The following MACROD1 variants were observed in gnomAD, a reference collection of about 807,000 sequenced individuals.
MACROD1 encodes ADP-ribose glycohydrolase MACROD1.
In MACROD1, 31 loss-of-function variants were observed where a neutral mutation model predicts 41.4. The ratio of observed to expected loss-of-function variants is 0.75; its 90% CI spans 0.56 to 1.01. The LOEUF is 1.01. Among genes scored for constraint, MACROD1 ranks in the 50% least tolerant of loss-of-function variants. The pLI is 0.00. For synonymous variants in MACROD1, 252 were observed against 203.4 expected (o/e 1.24, Z -2.03); for missense variants, 473 against 460.0 (o/e 1.03, Z -0.26).
chr11:64,116,229 T>G, intron 3 of MACROD1: 1 of 1,568,824 alleles, frequency 6.4e-7, no homozygotes, highest in South Asian at 1.2e-5. Context: ...GTATTCAGGC[T>G]CCAGGCCAGG....
At chr11:64,162,516 T>C (rs1945770573) in intron 1 of MACROD1, among the ~76,000 whole-genome samples, 1 of 151,856 alleles carries the variant, frequency 6.6e-6, no homozygotes, top group Non-Finnish European at 1.5e-5. Context: ...AAAATTTAAA[T>C]TAATTTTAAA....
intron 4 of MACROD1, among the ~76,000 whole-genome samples, chr11:64,005,291 G>A (rs555553678): frequency 2.9e-4 from 44 of 152,348 alleles, no homozygotes; most frequent in African/African-American, 1.0e-3. Flanking sequence ...GCCTCCCAAA[G>A]TGCTGGGATT....
chr11:64,095,410 G>C (rs11231694), intron 3 of MACROD1, among the ~76,000 whole-genome samples: 14,714 of 152,190 alleles, frequency 0.097, 1,021 homozygotes, highest in East Asian at 0.36. Context: ...GCCAGAGAGA[G>C]CATGTTTATG....
intron 3 of MACROD1, among the ~76,000 whole-genome samples, chr11:64,140,349 C>T (rs1286211897): frequency 6.6e-6 from 1 of 152,264 alleles, no homozygotes; most frequent in Admixed American, 6.5e-5. Flanking sequence ...CCTGTGCCCT[C>T]ATGGTCAGGA....
chr11:64,144,579 G>A (rs1945464435), intron 3 of MACROD1, among the ~76,000 whole-genome samples: 1 of 152,202 alleles, frequency 6.6e-6, no homozygotes, highest in Non-Finnish European at 1.5e-5. Flanking sequence ...ACCGGAAAGT[G>A]GCCCGGCCCC....
chr11:64,127,936 GTC>G lies in MACROD1; in HGVS notation c.517+23301_517+23302del, dbSNP rs374104082. On this transcript the variant is annotated intron_variant, in intron 3 of 10. Transcript: ENST00000255681. ...CAAAATTTCCATGAGAACAATAGCA[GTC>G]TCTGCTAAATTTAACATAAAACAAG... 3.1e-3 allele frequency among the ~76,000 whole-genome samples: 478 copies of G among 152,340 alleles called. 25 individuals carry two copies. In the South Asian group the frequency reaches 0.095, roughly 30 times the overall value.
intron 3 of MACROD1, among the ~76,000 whole-genome samples, chr11:64,132,500 A>G (rs1945279736): frequency 6.6e-6 from 1 of 152,088 alleles, no homozygotes; most frequent in Non-Finnish European, 1.5e-5. Flanking sequence ...CCCAGGGTGA[A>G]GGGCTTCAGG....
intron 3 of MACROD1, among the ~76,000 whole-genome samples, chr11:64,072,650 C>G (rs971987232): frequency 6.6e-6 from 1 of 152,178 alleles, no homozygotes; most frequent in African/African-American, 2.4e-5. Flanking sequence ...CGCCCCCATG[C>G]CCTGGTTATA....
intron 3 of MACROD1, among the ~76,000 whole-genome samples, chr11:64,021,567 T>C (rs1465033297): frequency 2.0e-5 from 3 of 151,918 alleles, no homozygotes; most frequent in Non-Finnish European, 4.4e-5. Context: ...CACCTGCATG[T>C]CCCTGGAGGC....
At chr11:64,077,429 T>C (rs1015569118) in intron 3 of MACROD1, among the ~76,000 whole-genome samples, 10 of 152,130 alleles carry the variant, frequency 6.6e-5, no homozygotes, top group South Asian at 2.1e-4. Context: ...CCTCGGATTT[T>C]CCCCCCAAGC....
chr11:64,109,914 C>T (rs766006736), intron 3 of MACROD1, among the ~76,000 whole-genome samples: 12 of 152,064 alleles, frequency 7.9e-5, no homozygotes, highest in East Asian at 3.9e-4. Flanking sequence ...CACTGGAGCG[C>T]GGAGGACAGA....
At chr11:64,071,496 C>T (rs1378945344) in intron 3 of MACROD1, among the ~76,000 whole-genome samples, 1 of 152,134 alleles carries the variant, frequency 6.6e-6, no homozygotes, top group African/African-American at 2.4e-5. Context: ...GTCCCCTTGG[C>T]CAGCTCGCCC....
chr11:64,009,486 A>G (rs1171292659), intron 4 of MACROD1, among the ~76,000 whole-genome samples: 1 of 152,166 alleles, frequency 6.6e-6, no homozygotes, highest in Non-Finnish European at 1.5e-5. Context: ...GAAGCCTCCT[A>G]CCAAACTGGG....
intron 3 of MACROD1, among the ~76,000 whole-genome samples, chr11:64,136,635 C>A (rs998659254): frequency 2.0e-5 from 3 of 152,334 alleles, no homozygotes; most frequent in African/African-American, 4.8e-5. Context: ...GCCTTCAGGG[C>A]AGACCCACCG....
At chr11:64,084,194 T>TC (rs1944353625) in intron 3 of MACROD1, among the ~76,000 whole-genome samples, 1 of 151,974 alleles carries the variant, frequency 6.6e-6, no homozygotes, top group Admixed American at 6.5e-5. Flanking sequence ...TGCCTCCCCC[T>TC]CCTCTCAGCC....
chr11:64,007,124 A>C (rs992683310), intron 4 of MACROD1, among the ~76,000 whole-genome samples: 2 of 152,196 alleles, frequency 1.3e-5, no homozygotes, highest in Non-Finnish European at 2.9e-5. Context: ...TCCCTCTCAG[A>C]TGAATTCACT....
intron 3 of MACROD1, among the ~76,000 whole-genome samples, chr11:64,024,340 G>A (rs1182177268): frequency 1.3e-5 from 2 of 152,050 alleles, no homozygotes; most frequent in African/African-American, 2.4e-5. Flanking sequence ...CTTTCATTTC[G>A]CCCTCCCCAC....
chr11:64,161,477 C>G lies in MACROD1; in HGVS notation c.298+4220G>C, dbSNP rs183466176. Reference sequence around the variant, plus strand: ...TGCATACACTGTGCACTGAAGATCTCTACACTTGCAGCACTTGACTGTCAA... The same window carrying G: ...TGCATACACTGTGCACTGAAGATCTGTACACTTGCAGCACTTGACTGTCAA... On this transcript the variant is annotated intron_variant, in intron 1 of 10. Coordinates refer to ENST00000255681, the MANE Select transcript of MACROD1 (RefSeq NM_014067.4). Among the ~76,000 whole-genome samples the G allele has an allele frequency of 5.9e-5, 9 of 152,352 alleles. No homozygotes were observed. In the East Asian group the frequency reaches 1.7e-3, roughly 29 times the overall value.
chr11:64,111,013 G>C (rs1377092110), intron 3 of MACROD1, among the ~76,000 whole-genome samples: 1 of 152,228 alleles, frequency 6.6e-6, no homozygotes, highest in Non-Finnish European at 1.5e-5. Context: ...AGACAGTGGA[G>C]CGGAAAGGCC....
Sources: gnomAD v4.1 joint callset for allele counts (sites outside exome capture counted in the v4.1 genomes callset) on GRCh38, gnomAD v4.1.1 for gene constraint, MANE v1.5 for transcripts, NCBI Gene and HGNC (gene_info 2026-07-23, HGNC 2026-07-21) for gene names.